Variants in SYNJ2 observed in about 807,000 individuals in gnomAD.
SYNJ2 encodes the protein polyphosphatidylinositol phosphatase SYNJ2.
SYNJ2 carries 116 observed loss-of-function variants against 141.3 expected under a neutral mutation model. The observed-to-expected ratio is 0.82, with a 90% CI of 0.71 to 0.96. The LOEUF is 0.96. SYNJ2 is among the 40% of genes least tolerant of loss of function. The pLI, the probability that SYNJ2 is intolerant of heterozygous loss-of-function variation, is 0.00. For synonymous variants in SYNJ2, 745 were observed against 777.7 expected, an observed-to-expected ratio of 0.96 and a Z score of 0.70; for missense variants, 1,873 against 1,934.8, an observed-to-expected ratio of 0.97 and a Z score of 0.60.
At chr6:158,058,480 A>G (rs147698348) in intron 6 of SYNJ2, among the ~76,000 whole-genome samples, 226 of 152,376 alleles carry the variant, frequency 1.5e-3, no homozygotes, top group African/African-American at 5.1e-3. Flanking sequence ...GTTTTGTTGT[A>G]TCTCCTTGTT....
At chr6:158,017,858 C>G (rs1466631275) in intron 2 of SYNJ2, 2 of 487,780 alleles carry the variant, frequency 4.1e-6, no homozygotes, top group African/African-American at 4.0e-5. Flanking sequence ...CCGGCACCCC[C>G]ACCCTGTGCC....
chr6:158,034,833 A>G (rs1455308283), intron 4 of SYNJ2, among the ~76,000 whole-genome samples: 1 of 152,186 alleles, frequency 6.6e-6, no homozygotes, highest in Admixed American at 6.5e-5. Context: ...TCAAGTCTTT[A>G]ACCCATCTTG....
rs1397495945 is a variant in SYNJ2 at position 158,076,779 on chromosome 6, A to AAC, written c.2446_2447insAC (p.Thr816AsnfsTer9). ...GAGGAAGAAACATCCCTTTGATAAA[A>AAC]CAGGTGAGGGGGCCGTGCCCGTTCG... On this transcript the variant is annotated frameshift_variant, in exon 17 of 27. Transcript: ENST00000355585. LOFTEE classifies it high-confidence loss of function. 1 of 1,610,790 alleles carries AAC rather than the reference A, an allele frequency of 6.2e-7. No individual in the cohort carries two copies. Among genetic ancestry groups the AAC allele is most frequent in the African/African-American group, 1.3e-5 (1 of 74,686 alleles).
chr6:158,071,462 G>T lies in SYNJ2; in HGVS notation c.1941-140G>T. On this transcript the variant is annotated intron_variant, in intron 14 of 26. Coordinates refer to ENST00000355585, the MANE Select transcript of SYNJ2 (RefSeq NM_003898.4). The surrounding 1 kb of genome is among the most constrained non-coding windows in gnomAD (Gnocchi z 4.3). ...TGACCAGGAGTCGATGACGGCCACG[G>T]TGGCCACTGTGTTGAGCTGATGATT... 1.0e-6 allele frequency: 1 copy of T among 956,246 alleles called. No homozygotes were observed. 59.2% of individuals were successfully genotyped at this position (956,246 alleles called of 1,614,324 possible).
At position 158,084,240 on chromosome 6, in the gene SYNJ2, T is replaced by G; in HGVS notation, c.3208+66T>G. 6.5e-7 allele frequency: 1 copy of G among 1,538,358 alleles called. No individual in the cohort carries two copies. Among genetic ancestry groups the G allele is most frequent in the South Asian group, 1.2e-5 (1 of 84,158 alleles). The stretch of plus-strand genomic sequence containing the variant: ...GTCAGCTCAGGACAGACTTTCCTTT[T>G]TCTCTTGGCGATTGGGCACTGTGTG... On this transcript the variant is annotated intron_variant, in intron 22 of 26. Coordinates refer to ENST00000355585, the MANE Select transcript of SYNJ2 (RefSeq NM_003898.4). The surrounding 1 kb of genome is among the most constrained non-coding windows in gnomAD (Gnocchi z 5.0).
intron 1 of SYNJ2, among the ~76,000 whole-genome samples, chr6:157,995,930 T>G (rs1261799756): frequency 6.6e-6 from 1 of 152,196 alleles, no homozygotes. Flanking sequence ...AAGAAAGCTA[T>G]AGAACTTGAC....
rs1054613270 is a variant in SYNJ2 at position 158,027,216 on chromosome 6, C to T, written c.215-1540C>T. On this transcript the variant is annotated intron_variant, in intron 2 of 26. Coordinates refer to ENST00000355585, the MANE Select transcript of SYNJ2 (RefSeq NM_003898.4). The surrounding 1 kb of genome is among the most constrained non-coding windows in gnomAD (Gnocchi z 4.6). ...GTGGAACTGGTTGTTTTGGGGGTCT[C>T]TTCCTGGAGTGTGGAGAGATCAGAA... 1 of 984,532 alleles carries T rather than the reference C, an allele frequency of 1.0e-6. No homozygotes were observed. The highest frequency in any genetic ancestry group is 1.7e-5 in the African/African-American group (1 of 57,234). 61.0% of individuals were successfully genotyped at this position (984,532 alleles called of 1,614,324 possible). A position where few individuals can be genotyped will look rare whatever the true frequency, so the allele number is the denominator to read the frequency against.
chr6:158,059,289 A>G lies in SYNJ2; in HGVS notation c.890A>G (p.Gln297Arg), dbSNP rs1242380509. Residue 297 changes from glutamine (Q) to arginine (R), a missense_variant, in exon 7 of 27, where the codon CAG (glutamine) becomes CGG (arginine). Coordinates refer to ENST00000355585, the MANE Select transcript of SYNJ2 (RefSeq NM_003898.4). Reference protein sequence around the residue: ...HMVLLKEQYGQQVVVNLLGSR... With the variant: ...HMVLLKEQYGRQVVVNLLGSR... ...GTGCTTCTGAAGGAGCAGTACGGGCAGCAGGTGGTCGTGAACCTTCTGGGA... is the reference window on the plus strand; with the variant it reads ...GTGCTTCTGAAGGAGCAGTACGGGCGGCAGGTGGTCGTGAACCTTCTGGGA... 3 of 1,550,494 alleles carry G rather than the reference A, an allele frequency of 1.9e-6. No homozygotes were observed. Among genetic ancestry groups the G allele is most frequent in the African/African-American group, 1.4e-5 (1 of 73,072 alleles).
In SYNJ2 at chr6:158,064,998, C is replaced by A. The variant is rs376483048; in HGVS notation, c.1525+7C>A. The A allele has an allele frequency of 2.6e-6, 4 of 1,549,794 alleles. No homozygotes were observed. The South Asian group carries it at 4.8e-5, about 19-fold the overall frequency. Reference sequence around the variant, plus strand: ...GACAGCACGGCGCTCCTGGGTAGGGCCTGCCGCAGACAGGGCGAGGCAGGG... The same window carrying A: ...GACAGCACGGCGCTCCTGGGTAGGGACTGCCGCAGACAGGGCGAGGCAGGG... On this transcript the variant is annotated splice_region_variant and intron_variant, in intron 11 of 26. Coordinates refer to ENST00000355585, the MANE Select transcript of SYNJ2 (RefSeq NM_003898.4).
At chr6:158,028,666 G>A (rs139063962) in intron 2 of SYNJ2, 90 bp from the exon 3 acceptor site, 24 of 1,534,084 alleles carry the variant, frequency 1.6e-5, no homozygotes, top group Admixed American at 7.9e-5. Flanking sequence ...TCCTGGCTGC[G>A]GTTGAACCTG....
At chr6:158,088,034 A>ATTTTTTTTTTTTTTTTTTTTTTTTTTT (rs568222551) in intron 23 of SYNJ2, among the ~76,000 whole-genome samples, 1 of 31,922 alleles carries the variant, frequency 3.1e-5, no homozygotes, top group African/African-American at 8.5e-5. Context: ...CTGCTTTGGA[A>ATTTTTTTTTTTTTTTTTTTTTTTTTTT]TTTTTTTTTT....
At chr6:157,998,202 C>T (rs575982811) in intron 1 of SYNJ2, among the ~76,000 whole-genome samples, 35 of 152,360 alleles carry the variant, frequency 2.3e-4, no homozygotes, top group African/African-American at 7.5e-4. Context: ...TCCTTCTGGT[C>T]ACTAGCTCCT....
chr6:158,061,642 C>T (rs985370692), intron 7 of SYNJ2, among the ~76,000 whole-genome samples: 5 of 152,034 alleles, frequency 3.3e-5, no homozygotes, highest in African/African-American at 9.7e-5. Context: ...GCCTGGGGCA[C>T]CTGGGCCACC....
intron 23 of SYNJ2, among the ~76,000 whole-genome samples, chr6:158,087,951 A>G (rs568119072): frequency 1.3e-5 from 1 of 76,848 alleles, no homozygotes; most frequent in Non-Finnish European, 2.5e-5. Flanking sequence ...AATGGGTTAT[A>G]TTTTCTGTGT....
chr6:157,986,916 TG>T (rs1456109747), intron 1 of SYNJ2, among the ~76,000 whole-genome samples: 1 of 151,838 alleles, frequency 6.6e-6, no homozygotes, highest in African/African-American at 2.4e-5. Context: ...TCTAATTTGT[TG>T]GGTTGGCTTT....
Position 158,081,519 on chromosome 6 carries a change from T to C in SYNJ2, c.2865+9T>C. The C allele has an allele frequency of 6.2e-7, 1 of 1,612,916 alleles. No homozygotes were observed. The highest frequency in any genetic ancestry group is 1.1e-5 in the South Asian group (1 of 91,012). On this transcript the variant is annotated intron_variant, in intron 20 of 26. Transcript: ENST00000355585. ...ACGTGGACGGTATGAAGGTACGCTG[T>C]ACTTGGCCACACTGTGGAGTGGGGT...
At chr6:158,089,659 C>A (rs374962425) in intron 24 of SYNJ2, among the ~76,000 whole-genome samples, 180 bp from the exon 25 acceptor site, 1 of 152,080 alleles carries the variant, frequency 6.6e-6, no homozygotes, top group Non-Finnish European at 1.5e-5. Flanking sequence ...AGTAGTATGG[C>A]ACTCTTGGAA....
intron 17 of SYNJ2, 64 bp downstream of exon 17, chr6:158,076,846 G>C: frequency 1.3e-6 from 2 of 1,533,658 alleles, no homozygotes; most frequent in Non-Finnish European, 1.8e-6. Context: ...CGGAGGGAGA[G>C]TCACGTTTAC....
In SYNJ2 at chr6:158,074,748, G is replaced by A. The variant is rs776337318; in HGVS notation, c.2292+10G>A. On this transcript the variant is annotated intron_variant, in intron 16 of 26. Transcript: ENST00000355585. ...GAAATCAAGTGGAAAAGTAAGTTGT[G>A]CTTTAAAAACATTTTTTAGCAGCTG... 6.2e-7 allele frequency: 1 copy of A among 1,610,804 alleles called. No individual in the cohort carries two copies. Among genetic ancestry groups the A allele is most frequent in the African/African-American group, 1.3e-5 (1 of 74,810 alleles).
Sources: allele counts gnomAD v4.1 joint callset (sites outside exome capture counted in the v4.1 genomes callset), GRCh38; gene constraint gnomAD v4.1.1; non-coding constraint Gnocchi (gnomAD v3.1); transcripts MANE v1.5; gene names NCBI Gene and HGNC (gene_info 2026-07-23, HGNC 2026-07-21).